The following DACH2 variants were observed in gnomAD, a reference collection of about 807,000 sequenced individuals.
DACH2 encodes dachshund family transcription factor 2.
A neutral mutation model predicts 35.8 loss-of-function variants in DACH2; 17 were observed. The observed-to-expected ratio is 0.48, with a 90% confidence interval of 0.33 to 0.71. The LOEUF (loss-of-function observed/expected upper bound fraction) is 0.71, where lower values mean the gene tolerates loss of function less well. DACH2 is among the 30% of genes least tolerant of loss of function. The pLI is 0.02. For missense variants in DACH2, 469 were observed against 472.7 expected, an observed-to-expected ratio of 0.99 and a Z score of 0.07; for synonymous variants, 195 against 177.3, an observed-to-expected ratio of 1.10 and a Z score of -0.79.
intron 2 of DACH2, among the ~76,000 whole-genome samples, chrX:86,513,801 T>C (rs1322311380): frequency 8.9e-6 from 1 of 111,910 alleles, no homozygotes; most frequent in Non-Finnish European, 1.9e-5. Flanking sequence ...CCAGCAGCTG[T>C]GGAAATGCTA....
intron 4 of DACH2, among the ~76,000 whole-genome samples, chrX:86,692,164 A>C (rs1192492340): frequency 9.0e-6 from 1 of 111,709 alleles, no homozygotes; most frequent in African/African-American, 3.3e-5. Context: ...ACATTGCAGG[A>C]TAATACTTAC....
At chrX:86,720,665 A>G (rs957323915) in intron 6 of DACH2, among the ~76,000 whole-genome samples, 10 of 112,001 alleles carry the variant, frequency 8.9e-5, no homozygotes, top group African/African-American at 3.2e-4. Flanking sequence ...TTCCAGGAGC[A>G]TGGTGAAAGC....
At chrX:86,653,924 C>T (rs1456052923) in intron 4 of DACH2, among the ~76,000 whole-genome samples, 2 of 110,101 alleles carry the variant, frequency 1.8e-5, no homozygotes, top group African/African-American at 3.3e-5. Flanking sequence ...GCCTTGGCCT[C>T]CCAAAGTGCT....
chrX:86,207,523 C>A (rs1403228802), intron 1 of DACH2, among the ~76,000 whole-genome samples: 2 of 107,597 alleles, frequency 1.9e-5, no homozygotes, highest in African/African-American at 6.8e-5. Flanking sequence ...GTTGTGTACC[C>A]CATAAATATA....
At chrX:86,291,525 A>T (rs1308689820) in intron 1 of DACH2, among the ~76,000 whole-genome samples, 1 of 107,014 alleles carries the variant, frequency 9.3e-6, no homozygotes, top group African/African-American at 3.5e-5. Flanking sequence ...GAATGCTTCC[A>T]GTTTTTGCCC....
chrX:86,510,360 A>G (rs183970317), intron 2 of DACH2, among the ~76,000 whole-genome samples: 1 of 112,388 alleles, frequency 8.9e-6, no homozygotes, highest in East Asian at 2.8e-4. Flanking sequence ...ACACTAGAAG[A>G]CTTGCTGAAA....
intron 2 of DACH2, among the ~76,000 whole-genome samples, chrX:86,513,072 C>T (rs911178158): frequency 2.7e-5 from 3 of 111,540 alleles, no homozygotes; most frequent in African/African-American, 9.8e-5. Context: ...ACGATACCTC[C>T]GTGTAAGGTT....
rs530905132 is a variant in DACH2 at position 86,595,017 on chromosome X, T to G, written c.641-56019T>G. Among the ~76,000 whole-genome samples the G allele has an allele frequency of 1.5e-4, 17 of 112,040 alleles. No homozygotes were observed. The East Asian group carries it at 3.1e-3, about 20-fold the overall frequency. On this transcript the variant is annotated intron_variant, in intron 3 of 11. Transcript: ENST00000373125. ...TCATAGCAAATTGACTCCTTTATCA[T>G]TTTTTAATTCCCTTCTTTATCTCTG...
chrX:86,289,306 G>T (rs756782487), intron 1 of DACH2, among the ~76,000 whole-genome samples: 12 of 106,916 alleles, frequency 1.1e-4, no homozygotes, highest in African/African-American at 4.1e-4. Context: ...CAAGCAGAAG[G>T]ATGGGGTATC....
At chrX:86,719,478 G>A (rs1166496396) in intron 6 of DACH2, among the ~76,000 whole-genome samples, 1 of 111,172 alleles carries the variant, frequency 9.0e-6, no homozygotes, top group African/African-American at 3.3e-5. Context: ...GCTCTGGCTG[G>A]GTGTATTAGT....
intron 2 of DACH2, among the ~76,000 whole-genome samples, chrX:86,405,409 G>C (rs183141555): frequency 9.0e-6 from 1 of 111,087 alleles, no homozygotes; most frequent in African/African-American, 3.3e-5. Context: ...AGTAAAATAC[G>C]GCCAGTCTCT....
intron 1 of DACH2, among the ~76,000 whole-genome samples, chrX:86,254,274 A>G (rs1054426808): frequency 8.9e-6 from 1 of 111,785 alleles, no homozygotes; most frequent in Admixed American, 9.5e-5. Flanking sequence ...TGTCACTTTA[A>G]TATTCTTATG....
chrX:86,606,594 G>T (rs1411477148), intron 3 of DACH2, among the ~76,000 whole-genome samples: 1 of 107,324 alleles, frequency 9.3e-6, no homozygotes, highest in Non-Finnish European at 1.9e-5. Flanking sequence ...TTTAAGGCTT[G>T]TTTTGTGACC....
intron 1 of DACH2, among the ~76,000 whole-genome samples, chrX:86,189,832 TA>T (rs1426310428): frequency 9.0e-6 from 1 of 111,219 alleles, no homozygotes. Flanking sequence ...TTGAGCTTGT[TA>T]ATAGTGTCAT....
intron 5 of DACH2, among the ~76,000 whole-genome samples, chrX:86,708,760 A>T (rs949691120): frequency 6.3e-5 from 7 of 111,341 alleles, no homozygotes; most frequent in African/African-American, 2.3e-4. Flanking sequence ...ACAAAACTGC[A>T]CTTCTACCTC....
Position 86,455,901 on chromosome X carries a change from G to A in DACH2, c.528-58378G>A, listed in dbSNP as rs1320404233. Among the ~76,000 whole-genome samples the A allele has an allele frequency of 2.7e-5, 3 of 112,320 alleles. No individual in the cohort carries two copies. The Admixed American group carries it at 2.8e-4, about 11-fold the overall frequency. On this transcript the variant is annotated intron_variant, in intron 2 of 11. Transcript: ENST00000373125. ...GTATATTAAACTCCTGGGTGTCTGT[G>A]TATGTTTTAGTGGCTGTTCTGCTGA...
In DACH2 at chrX:86,386,921, CTTGT is replaced by C. The variant is rs1444848082; in HGVS notation, c.527+10064_527+10067del. Among the ~76,000 whole-genome samples the C allele has an allele frequency of 4.5e-5, 5 of 111,337 alleles. No homozygotes were observed. The East Asian group carries it at 1.1e-3, about 25-fold the overall frequency. ...AGAGAGTCTCTCTTGGTTTCATTTT[CTTGT>C]TTGTCTCCTAAATTTTCCATCATCC... On this transcript the variant is annotated intron_variant, in intron 2 of 11. Transcript: ENST00000373125.
intron 2 of DACH2, among the ~76,000 whole-genome samples, chrX:86,412,890 G>T (rs1340878842): frequency 9.0e-6 from 1 of 111,451 alleles, no homozygotes; most frequent in African/African-American, 3.3e-5. Context: ...ACTCAAAACT[G>T]GCAGCCTTTC....
At chrX:86,744,481 T>G (rs1230713441) in intron 7 of DACH2, among the ~76,000 whole-genome samples, 1 of 111,808 alleles carries the variant, frequency 8.9e-6, no homozygotes, top group African/African-American at 3.2e-5. Context: ...CAAACATATG[T>G]TTTCACATCT....
Sources: allele counts gnomAD v4.1 joint callset (sites outside exome capture counted in the v4.1 genomes callset), GRCh38; gene constraint gnomAD v4.1.1; transcripts MANE v1.5; gene names NCBI Gene and HGNC (gene_info 2026-07-23, HGNC 2026-07-21).